GRK3: variants seen among roughly 807,000 people sequenced by gnomAD.
The protein encoded by GRK3 is adrenergic, beta, receptor kinase 2.
Under a neutral mutation model 95.7 loss-of-function variants are expected in GRK3, and 54 were observed. The ratio of observed to expected loss-of-function variants is 0.56; its 90% CI spans 0.45 to 0.71. GRK3 has a LOEUF of 0.71. Ranked by LOEUF, GRK3 falls within the 30% of genes least tolerant of loss-of-function variation. GRK3 has a pLI of 0.00. For synonymous variants in GRK3, 281 were observed against 290.8 expected, an observed-to-expected ratio of 0.97 and a Z score of 0.34; for missense variants, 649 against 851.2, an observed-to-expected ratio of 0.76 and a Z score of 2.96.
At chr22:25,651,197 G>C (rs8142061) in intron 3 of GRK3, among the ~76,000 whole-genome samples, 7,502 of 152,208 alleles carry the variant, frequency 0.049, 189 homozygotes, top group Middle Eastern at 0.058. Flanking sequence ...AGTGGTATAA[G>C]TGTCTAGCAA....
rs1057445582 is a variant in GRK3 at position 25,690,370 on chromosome 22, A to G, written c.1052+87A>G. On this transcript the variant is annotated intron_variant, in intron 12 of 20. Transcript: ENST00000324198. ...CATTTGTCACCCCATTTCTCTTACCAGTGGTGATTTTCAATATGTCAGGAA... is the reference window on the plus strand; with the variant it reads ...CATTTGTCACCCCATTTCTCTTACCGGTGGTGATTTTCAATATGTCAGGAA... 8.4e-6 allele frequency: 8 copies of G among 950,380 alleles called. 1 individual carries two copies. Among genetic ancestry groups the G allele is most frequent in the African/African-American group, 6.6e-5 (4 of 61,028 alleles). The allele number at this position is 950,380 out of a possible 1,614,324, so 58.9% of individuals were successfully genotyped here. A position where few individuals can be genotyped will look rare whatever the true frequency, so the allele number is the denominator to read the frequency against.
At chr22:25,579,824 G>A (rs757421642) in intron 1 of GRK3, among the ~76,000 whole-genome samples, 9 of 151,490 alleles carry the variant, frequency 5.9e-5, no homozygotes, top group East Asian at 5.8e-4. Flanking sequence ...AAGGAATGGC[G>A]AAATTTTAAA....
At chr22:25,705,641 A>T (rs897544656) in intron 15 of GRK3, among the ~76,000 whole-genome samples, 2 of 152,054 alleles carry the variant, frequency 1.3e-5, no homozygotes, top group African/African-American at 4.8e-5. Context: ...AAAGAATATG[A>T]TAGTTGTGGA....
At chr22:25,582,379 T>TA (rs1171577178) in intron 1 of GRK3, among the ~76,000 whole-genome samples, 9 of 152,078 alleles carry the variant, frequency 5.9e-5, no homozygotes, top group Non-Finnish European at 1.0e-4. Context: ...AGAAAAATTT[T>TA]AAAAAATCTG....
At chr22:25,596,491 T>C (rs1384766452) in intron 1 of GRK3, among the ~76,000 whole-genome samples, 1 of 152,258 alleles carries the variant, frequency 6.6e-6, no homozygotes, top group South Asian at 2.1e-4. Flanking sequence ...AAAATGTTAA[T>C]AAATTAGCAA....
chr22:25,693,655 C>G (rs1327864470), intron 12 of GRK3, among the ~76,000 whole-genome samples: 1 of 152,056 alleles, frequency 6.6e-6, no homozygotes, highest in Non-Finnish European at 1.5e-5. Context: ...ATAAAACTCT[C>G]AAATACACCT....
intron 1 of GRK3, 128 bp downstream of exon 1, chr22:25,565,281 G>A (rs1317818036): frequency 2.3e-6 from 1 of 435,166 alleles, no homozygotes; most frequent in Non-Finnish European, 4.1e-6. Flanking sequence ...AGCGGAGCGG[G>A]CGATGCGGGG....
intron 17 of GRK3, 27 bp downstream of exon 17, chr22:25,711,190 A>G: frequency 6.8e-7 from 1 of 1,478,198 alleles, no homozygotes; most frequent in Admixed American, 2.0e-5. Flanking sequence ...TTATTTCTTT[A>G]TTTTTATTTT....
At chr22:25,654,063 A>G (rs941135365) in intron 3 of GRK3, among the ~76,000 whole-genome samples, 1 of 152,262 alleles carries the variant, frequency 6.6e-6, no homozygotes, top group Non-Finnish European at 1.5e-5. Context: ...TACAAATTTC[A>G]TGATTGAAAT....
At chr22:25,698,561 T>G (rs969380426) in intron 13 of GRK3, among the ~76,000 whole-genome samples, 1 of 152,056 alleles carries the variant, frequency 6.6e-6, no homozygotes, top group Non-Finnish European at 1.5e-5. Flanking sequence ...AATACCAGCT[T>G]TCTATGTTTC....
rs1348051962 is a variant in GRK3, at chr22:25,597,335, ATATAAAAT to A, written c.114-7039_114-7032del. Among the ~76,000 whole-genome samples, 4 of 152,304 alleles carry A rather than the reference ATATAAAAT, an allele frequency of 2.6e-5. No individual in the cohort carries two copies. The East Asian group carries it at 7.7e-4, about 29-fold the overall frequency. Reference sequence around the variant, plus strand: ...GGGGAAGGAAGAAATTTGTTAAAGGATATAAAATTACAGCTAGATAAGAGAAATACATT... The same window carrying A: ...GGGGAAGGAAGAAATTTGTTAAAGGATACAGCTAGATAAGAGAAATACATT... On this transcript the variant is annotated intron_variant, in intron 1 of 20. Transcript: ENST00000324198.
At chr22:25,622,578 T>C (rs1346306043) in intron 2 of GRK3, among the ~76,000 whole-genome samples, 3 of 152,188 alleles carry the variant, frequency 2.0e-5, no homozygotes, top group African/African-American at 7.2e-5. Context: ...GGCAGGGAAC[T>C]GCGCAGGAGC....
At chr22:25,614,368 A>G (rs1383590988) in intron 2 of GRK3, among the ~76,000 whole-genome samples, 5 of 152,142 alleles carry the variant, frequency 3.3e-5, no homozygotes, top group Non-Finnish European at 7.4e-5. Flanking sequence ...TCCTGGGCTC[A>G]AGAGATCCAC....
Position 25,686,252 on chromosome 22 carries a change from C to T in GRK3, c.826+1004C>T, listed in dbSNP as rs77907252. Among the ~76,000 whole-genome samples, 963 of 151,902 alleles carry T rather than the reference C, an allele frequency of 6.3e-3. 7 individuals are homozygous for T. The highest frequency in any genetic ancestry group is 0.01 in the Non-Finnish European group (700 of 67,900). Reference sequence around the variant, plus strand: ...AAAAAAACAAAAAACAGATCTACCCCGAAACAGGAAGGAATTTCACAGCGT... The same window carrying T: ...AAAAAAACAAAAAACAGATCTACCCTGAAACAGGAAGGAATTTCACAGCGT... On this transcript the variant is annotated intron_variant, in intron 10 of 20. Transcript: ENST00000324198.
intron 2 of GRK3, among the ~76,000 whole-genome samples, chr22:25,618,039 C>G (rs1174675538): frequency 6.6e-6 from 1 of 152,222 alleles, no homozygotes; most frequent in African/African-American, 2.4e-5. Flanking sequence ...TCCCAAAGTG[C>G]TGGGATTACA....
At chr22:25,577,308 G>A (rs1931938509) in intron 1 of GRK3, among the ~76,000 whole-genome samples, 1 of 152,028 alleles carries the variant, frequency 6.6e-6, no homozygotes, top group African/African-American at 2.4e-5. Context: ...GAGTAGCTGG[G>A]ACTACAGATG....
At chr22:25,668,434 G>T (rs1037518701) in intron 6 of GRK3, among the ~76,000 whole-genome samples, 1 of 152,180 alleles carries the variant, frequency 6.6e-6, no homozygotes, top group African/African-American at 2.4e-5. Context: ...AATATCTCAT[G>T]CTAGAGCTTT....
chr22:25,642,293 C>T (rs1257832008), intron 2 of GRK3, among the ~76,000 whole-genome samples: 1 of 152,080 alleles, frequency 6.6e-6, no homozygotes, highest in Non-Finnish European at 1.5e-5. Context: ...ATTAGCCGGC[C>T]ATGATCGCGG....
chr22:25,701,770 C>T (rs183433358), intron 13 of GRK3, among the ~76,000 whole-genome samples: 3 of 152,274 alleles, frequency 2.0e-5, no homozygotes, highest in Non-Finnish European at 2.9e-5. Flanking sequence ...CCTTTTTATA[C>T]ATTAAGGAAC....
Sources: gnomAD v4.1 joint callset for allele counts (sites outside exome capture counted in the v4.1 genomes callset) on GRCh38, gnomAD v4.1.1 for gene constraint, MANE v1.5 for transcripts, NCBI Gene and HGNC (gene_info 2026-07-23, HGNC 2026-07-21) for gene names.